Variants in ABCB1 observed in about 807,000 individuals in gnomAD.
ABCB1 encodes the protein ATP binding cassette subfamily B member 1.
In ABCB1, 69 loss-of-function variants were observed where a neutral mutation model predicts 142.0. The observed-to-expected ratio is 0.49, with a 90% confidence interval of 0.40 to 0.59. The LOEUF (loss-of-function observed/expected upper bound fraction) is 0.59. ABCB1 is among the 20% of genes least tolerant of loss of function. The probability of loss-of-function intolerance (pLI) is 0.00; values close to 1 mark genes in which losing one functional copy is unlikely to be tolerated. For synonymous variants in ABCB1, 532 were observed against 539.2 expected (o/e 0.99, Z 0.18); for missense variants, 1,326 against 1,554.7 (o/e 0.85, Z 2.47).
At chr7:87,620,954 C>T (rs1030222592) in intron 1 of ABCB1, among the ~76,000 whole-genome samples, 5 of 151,958 alleles carry the variant, frequency 3.3e-5, no homozygotes, top group African/African-American at 1.2e-4. Flanking sequence ...AAACCTTACT[C>T]ATAATACCAG....
At chr7:87,677,273 T>A (rs1417480579) in intron 1 of ABCB1, among the ~76,000 whole-genome samples, 2 of 136,930 alleles carry the variant, frequency 1.5e-5, no homozygotes, top group Admixed American at 7.4e-5. Context: ...ACAGTGTATA[T>A]AACACACACA....
chr7:87,659,191 A>G (rs1824442319), intron 1 of ABCB1: 1 of 426,200 alleles, frequency 2.3e-6, no homozygotes, highest in East Asian at 8.0e-5. Flanking sequence ...AAACTTTGGA[A>G]TAACAGGAAG....
chr7:87,519,197 G>T, intron 23 of ABCB1, 129 bp downstream of exon 23: 1 of 917,248 alleles, frequency 1.1e-6, no homozygotes, highest in Non-Finnish European at 1.7e-6. Context: ...CTCAGAGGCA[G>T]AAATGCCGAT....
At chr7:87,626,147 TA>T (rs1477053087) in intron 1 of ABCB1, among the ~76,000 whole-genome samples, 2 of 137,588 alleles carry the variant, frequency 1.5e-5, no homozygotes. Context: ...GTGTCATATA[TA>T]TTGTCATATA....
intron 25 of ABCB1, among the ~76,000 whole-genome samples, chr7:87,512,943 AG>A (rs750215123): frequency 2.0e-5 from 3 of 152,218 alleles, no homozygotes; most frequent in Non-Finnish European, 4.4e-5. Context: ...TTATACATCA[AG>A]GGACTAGAAG....
intron 1 of ABCB1, among the ~76,000 whole-genome samples, chr7:87,671,209 T>C (rs1363344036): frequency 6.6e-6 from 1 of 152,114 alleles, no homozygotes; most frequent in East Asian, 1.9e-4. Context: ...CGTACTGGCC[T>C]CCTCTCCTTG....
upstream of ABCB1, among the ~76,000 whole-genome samples, chr7:87,605,594 G>T (rs1012022445): frequency 6.6e-6 from 1 of 152,120 alleles, no homozygotes; most frequent in Middle Eastern, 3.2e-3. Flanking sequence ...TAAGATAAAG[G>T]GAAAGAAGAA....
At chr7:87,609,019 A>G (rs913438387) in intron 1 of ABCB1, among the ~76,000 whole-genome samples, 12 of 152,208 alleles carry the variant, frequency 7.9e-5, no homozygotes, top group Non-Finnish European at 1.5e-4. Flanking sequence ...CATGAGCAAA[A>G]CATACAAAAA....
At chr7:87,670,701 A>G (rs1585054180) in intron 1 of ABCB1, among the ~76,000 whole-genome samples, 1 of 152,084 alleles carries the variant, frequency 6.6e-6, no homozygotes, top group South Asian at 2.1e-4. Flanking sequence ...TCTTTATTTG[A>G]AGCTGACTTC....
At chr7:87,535,338 A>AT (rs143639915) in intron 20 of ABCB1, among the ~76,000 whole-genome samples, 54,821 of 144,214 alleles carry the variant, frequency 0.38, 10,715 homozygotes, top group Non-Finnish European at 0.43. Flanking sequence ...TCTTCTTTGC[A>AT]TTTTTTTTTT....
intron 21 of ABCB1, among the ~76,000 whole-genome samples, chr7:87,524,574 G>C (rs1158057310): frequency 1.3e-5 from 2 of 151,924 alleles, no homozygotes; most frequent in Non-Finnish European, 2.9e-5. Context: ...TCACACACTG[G>C]GGCCTGTTGT....
Position 87,539,140 on chromosome 7 carries a change from G to A in ABCB1, c.2397+128C>T, listed in dbSNP as rs191947475. On this transcript the variant is annotated intron_variant, in intron 19 of 27. Coordinates refer to ENST00000622132, the MANE Select transcript of ABCB1 (RefSeq NM_001348946.2). Reference sequence around the variant, plus strand: ...TGGGCGGTTCAACCGCATCTCTGACGTGAGACTGAGGGACAACCAATATAG... The same window carrying A: ...TGGGCGGTTCAACCGCATCTCTGACATGAGACTGAGGGACAACCAATATAG... 2.7e-4 allele frequency: 270 copies of A among 1,000,992 alleles called. 2 individuals carry two copies. In the East Asian group the frequency reaches 5.7e-3, roughly 21 times the overall value. 62.0% of individuals were successfully genotyped at this position (1,000,992 alleles called of 1,614,324 possible).
intron 8 of ABCB1, among the ~76,000 whole-genome samples, chr7:87,555,517 G>C (rs937701477): frequency 6.6e-6 from 1 of 152,012 alleles, no homozygotes; most frequent in Non-Finnish European, 1.5e-5. Context: ...ACTTTAACTA[G>C]GTACATTACA....
chr7:87,560,667 A>G (rs1817523241), intron 8 of ABCB1, among the ~76,000 whole-genome samples: 1 of 152,226 alleles, frequency 6.6e-6, no homozygotes, highest in Non-Finnish European at 1.5e-5. Flanking sequence ...ATTTATATTC[A>G]ATTTTACATA....
At chr7:87,570,088 T>G in intron 5 of ABCB1, 84 bp downstream of exon 5, 3 of 1,249,436 alleles carry the variant, frequency 2.4e-6, no homozygotes, top group Non-Finnish European at 3.5e-6. Context: ...AAAATTTCTG[T>G]GATGATAATG....
intron 1 of ABCB1, among the ~76,000 whole-genome samples, chr7:87,662,378 CTTTCAGGTTTTAGA>C (rs1824800381): frequency 6.6e-6 from 1 of 151,958 alleles, no homozygotes; most frequent in Non-Finnish European, 1.5e-5. Context: ...TAATTTCACA[CTTTCAGGTTTTAGA>C]TTTCAGTATT....
intron 1 of ABCB1, chr7:87,700,302 C>T (rs1159612924): frequency 4.0e-6 from 3 of 745,532 alleles, no homozygotes; most frequent in Non-Finnish European, 6.2e-6. Flanking sequence ...ATTGGTGGTG[C>T]CCTTGCCATT....
chr7:87,623,238 A>G (rs1820289788), intron 1 of ABCB1, among the ~76,000 whole-genome samples: 1 of 152,218 alleles, frequency 6.6e-6, no homozygotes, highest in Admixed American at 6.5e-5. Context: ...TGCAATGCAT[A>G]CAATGTCTGG....
intron 8 of ABCB1, 24 bp from the exon 9 acceptor site, chr7:87,553,956 C>T (rs1264058158): frequency 6.3e-7 from 1 of 1,587,142 alleles, no homozygotes; most frequent in Admixed American, 1.7e-5. Context: ...CAAAAATGAT[C>T]ACATATACAT....
Sources: allele counts gnomAD v4.1 joint callset (sites outside exome capture counted in the v4.1 genomes callset), GRCh38; gene constraint gnomAD v4.1.1; transcripts MANE v1.5; gene names NCBI Gene and HGNC (gene_info 2026-07-23, HGNC 2026-07-21).